AKAP17A: variants seen among roughly 807,000 people sequenced by gnomAD.
The protein encoded by AKAP17A is A-kinase anchor protein 17A.
In AKAP17A, 15 loss-of-function variants were observed where a neutral mutation model predicts 52.2. That is an observed-to-expected ratio of 0.29 (90% CI 0.19 to 0.44). The LOEUF (loss-of-function observed/expected upper bound fraction) is 0.44, where lower values mean the gene tolerates loss of function less well. AKAP17A is among the 20% of genes least tolerant of loss of function. The pLI is 1.00. For synonymous variants in AKAP17A, 514 were observed against 424.7 expected (o/e 1.21, Z -2.58); for missense variants, 1,060 against 1,007.0 (o/e 1.05, Z -0.71).
chrX:1,599,467 G>GCCGCA (rs1569354136), intron 4 of AKAP17A, 35 bp downstream of exon 4: 1 of 1,551,820 alleles, frequency 6.4e-7, no homozygotes, highest in South Asian at 1.2e-5. Context: ...CGCCAGCCGC[G>GCCGCA]CCCGGGCTGC....
intron 1 of AKAP17A, among the ~76,000 whole-genome samples, chrX:1,592,064 C>T (rs1932847343): frequency 6.7e-6 from 1 of 149,908 alleles, no homozygotes; most frequent in Admixed American, 6.6e-5. Flanking sequence ...GGAGCGGTGT[C>T]GGAGGGCTGG....
intron 3 of AKAP17A, among the ~76,000 whole-genome samples, chrX:1,596,973 A>T (rs1351133360): frequency 6.6e-6 from 1 of 150,436 alleles, no homozygotes; most frequent in Non-Finnish European, 1.5e-5. Context: ...GTGTCCTCTG[A>T]CGACTTTGGT....
intron 3 of AKAP17A, among the ~76,000 whole-genome samples, chrX:1,598,409 C>T (rs1301908462): frequency 3.9e-5 from 6 of 152,150 alleles, no homozygotes; most frequent in African/African-American, 7.2e-5. Flanking sequence ...TGTGTCACCC[C>T]GGCGGGCTTT....
intron 4 of AKAP17A, 52 bp from the exon 5 acceptor site, chrX:1,600,607 G>A: frequency 1.4e-6 from 2 of 1,465,420 alleles, no homozygotes; most frequent in East Asian, 2.5e-5. Flanking sequence ...TGTCCCACGT[G>A]TCCGGCCAGG....
chrX:1,601,279 C>G lies in AKAP17A; in HGVS notation c.1773C>G (p.Thr591=). ...REPSKGRGRA[T]GDGLADRHKR... ...CCAGCAAGGGCCGGGGCCGGGCCAC[C>G]GGAGACGGGCTTGCTGACCGGCACA... Residue 591 remains threonine (T), a synonymous_variant, in exon 5 of 5, where the codon ACC becomes ACG. Transcript: ENST00000313871. 6.2e-7 allele frequency: 1 copy of G among 1,612,006 alleles called. No individual in the cohort carries two copies. The highest frequency in any genetic ancestry group is 8.5e-7 in the Non-Finnish European group (1 of 1,179,244).
intron 3 of AKAP17A, among the ~76,000 whole-genome samples, chrX:1,598,455 G>C (rs745870181): frequency 7.2e-4 from 110 of 152,278 alleles, no homozygotes; most frequent in African/African-American, 2.5e-3. Flanking sequence ...GCCCACCCGG[G>C]CTTCAGAAGT....
rs1232670469 is a variant in AKAP17A, at chrX:1,601,913, C to G, written c.*319C>G. 11 of 326,378 alleles carry G rather than the reference C, an allele frequency of 3.4e-5. No individual in the cohort carries two copies. The highest frequency in any genetic ancestry group is 3.3e-5 in the Non-Finnish European group (6 of 179,748). 20.2% of individuals were successfully genotyped at this position (326,378 alleles called of 1,614,324 possible). On this transcript the variant is annotated 3_prime_UTR_variant, in exon 5 of 5. Transcript: ENST00000313871. ...GACAGTCGTGAGGATGGCAGAGCTG[C>G]TGCATTCCCCCACACGGGGATTTCT...
rs754156930 is a variant in AKAP17A, at chrX:1,601,033, C to T, written c.1527C>T (p.Pro509=). Reference sequence around the variant, plus strand: ...CCCACCCAGAGGCCGACGGCGCTCCCAAAAGCGTGAACGGGAGCGTGGCCG... The same window carrying T: ...CCCACCCAGAGGCCGACGGCGCTCCTAAAAGCGTGAACGGGAGCGTGGCCG... ...SPAHPEADGA[P]KSVNGSVAEE... The change falls in exon 5 of 5, where the codon CCC becomes CCT. Residue 509 remains proline, a synonymous_variant. Transcript: ENST00000313871. 18 of 1,612,256 alleles carry T rather than the reference C, an allele frequency of 1.1e-5. No homozygotes were observed. The Admixed American group carries it at 1.7e-4, about 15-fold the overall frequency.
At position 1,601,282 on chromosome X, in the gene AKAP17A, A is replaced by C; in HGVS notation, c.1776A>C (p.Gly592=). ...EPSKGRGRAT[G]DGLADRHKRE... Reference sequence around the variant, plus strand: ...GCAAGGGCCGGGGCCGGGCCACCGGAGACGGGCTTGCTGACCGGCACAAGC... The same window carrying C: ...GCAAGGGCCGGGGCCGGGCCACCGGCGACGGGCTTGCTGACCGGCACAAGC... Residue 592 remains glycine, a synonymous_variant, in exon 5 of 5, where the codon GGA becomes GGC. Coordinates refer to ENST00000313871, the MANE Select transcript of AKAP17A (RefSeq NM_005088.3). The C allele has an allele frequency of 1.9e-6, 3 of 1,611,894 alleles. No individual in the cohort carries two copies. Among genetic ancestry groups the C allele is most frequent in the Non-Finnish European group, 2.5e-6 (3 of 1,179,218 alleles).
intron 3 of AKAP17A, among the ~76,000 whole-genome samples, chrX:1,595,912 T>TTG (rs1932954455): frequency 6.6e-6 from 1 of 152,092 alleles, no homozygotes; most frequent in African/African-American, 2.4e-5. Context: ...GTGTGTGTAC[T>TTG]TGTGTGTGCA....
At chrX:1,595,704 G>A (rs1223589326) in intron 3 of AKAP17A, among the ~76,000 whole-genome samples, 172 bp downstream of exon 3, 2 of 151,944 alleles carry the variant, frequency 1.3e-5, no homozygotes, top group Non-Finnish European at 2.9e-5. Context: ...GAACCGGTGT[G>A]TGTACTTTGT....
chrX:1,596,781 C>G (rs868186803), intron 3 of AKAP17A, among the ~76,000 whole-genome samples: 1 of 68,602 alleles, frequency 1.5e-5, no homozygotes, highest in Non-Finnish European at 2.9e-5. Context: ...CCTCCTCTTC[C>G]TCCTCCATCC....
Position 1,599,587 on chromosome X carries a change from G to A in AKAP17A, c.1152+155G>A, listed in dbSNP as rs773483866. On this transcript the variant is annotated intron_variant, in intron 4 of 4. Transcript: ENST00000313871. ...ATGCCGAGGATGACGGCTCCTTCCC[G>A]GGAGGGTGTAGCGCTCGTCTGTCGT... 108 of 1,068,456 alleles carry A rather than the reference G, an allele frequency of 1.0e-4. 1 individual carries two copies. Among genetic ancestry groups the A allele is most frequent in the East Asian group, 1.5e-4 (6 of 38,758 alleles). 66.2% of individuals were successfully genotyped at this position (1,068,456 alleles called of 1,614,324 possible). A position where few individuals can be genotyped will look rare whatever the true frequency, so the allele number is the denominator to read the frequency against.
chrX:1,597,841 T>G (rs1266288666), intron 3 of AKAP17A, among the ~76,000 whole-genome samples: 1 of 151,664 alleles, frequency 6.6e-6, no homozygotes, highest in East Asian at 2.0e-4. Flanking sequence ...GGCCGGGCCA[T>G]GAGGTTCTCG....
Position 1,601,621 on chromosome X carries a change from G to A in AKAP17A, c.*27G>A. ...GACGGGCACGGCCTCCCCACGGCCTGTCCGGGAAAGACCAGGACCTGCTCG... is the reference window on the plus strand; with the variant it reads ...GACGGGCACGGCCTCCCCACGGCCTATCCGGGAAAGACCAGGACCTGCTCG... On this transcript the variant is annotated 3_prime_UTR_variant, in exon 5 of 5. Coordinates refer to ENST00000313871, the MANE Select transcript of AKAP17A (RefSeq NM_005088.3). 1 of 1,399,636 alleles carries A rather than the reference G, an allele frequency of 7.1e-7. No homozygotes were observed. Among genetic ancestry groups the A allele is most frequent in the Non-Finnish European group, 9.2e-7 (1 of 1,084,094 alleles). 86.7% of individuals were successfully genotyped at this position (1,399,636 alleles called of 1,614,324 possible). A position where few individuals can be genotyped will look rare whatever the true frequency, so the allele number is the denominator to read the frequency against.
chrX:1,600,578 C>T, intron 4 of AKAP17A, 81 bp from the exon 5 acceptor site: 1 of 1,374,536 alleles, frequency 7.3e-7, no homozygotes, highest in Non-Finnish European at 9.7e-7. Flanking sequence ...ATGGGGCCTC[C>T]AAACACCTTC....
rs1933382454 is a variant in AKAP17A at position 1,601,507 on chromosome X, C to T, written c.2001C>T (p.Ala667=). ...GGAGCCGGGAGCGGAGGGGCAGCGC[C>T]AGCAGGAAGCACAGCCGCCACCGCC... The part of the protein sequence containing the change: ...RERSRERRGS[A]SRKHSRHRRR... Residue 667 remains alanine, a synonymous_variant, in exon 5 of 5, where the codon GCC becomes GCT. Coordinates refer to ENST00000313871, the MANE Select transcript of AKAP17A (RefSeq NM_005088.3). 4 of 1,521,996 alleles carry T rather than the reference C, an allele frequency of 2.6e-6. No individual in the cohort carries two copies. Among genetic ancestry groups the T allele is most frequent in the Non-Finnish European group, 3.5e-6 (4 of 1,146,074 alleles). The allele number at this position is 1,521,996 out of a possible 1,614,324, so 94.3% of individuals were successfully genotyped here.
In AKAP17A at chrX:1,599,443, G is replaced by A. The variant is rs376530510; in HGVS notation, c.1152+11G>A. On this transcript the variant is annotated intron_variant, in intron 4 of 4. Transcript: ENST00000313871. Reference sequence around the variant, plus strand: ...CTCAGCAGAGCCAAGGTACCCGGGGGCTCCCTCTGCAGCCGCCAGCCGCGC... The same window carrying A: ...CTCAGCAGAGCCAAGGTACCCGGGGACTCCCTCTGCAGCCGCCAGCCGCGC... 8.5e-5 allele frequency: 133 copies of A among 1,556,598 alleles called. No individual in the cohort carries two copies. In the African/African-American group the frequency reaches 1.4e-3, roughly 17 times the overall value.
intron 2 of AKAP17A, among the ~76,000 whole-genome samples, chrX:1,594,666 T>C (rs1350464124): frequency 1.3e-5 from 2 of 152,082 alleles, no homozygotes; most frequent in South Asian, 2.1e-4. Context: ...TTTCCTGGAC[T>C]GGAGTGCAGT....
Sources: allele counts gnomAD v4.1 joint callset (sites outside exome capture counted in the v4.1 genomes callset), GRCh38; gene constraint gnomAD v4.1.1; transcripts MANE v1.5; gene names NCBI Gene and HGNC (gene_info 2026-07-23, HGNC 2026-07-21).